The following BRINP3 variants were observed in gnomAD, a reference collection of about 807,000 sequenced individuals.
BRINP3 encodes BMP/retinoic acid inducible neural specific 3, also known as BMP/retinoic acid-inducible neural-specific protein 3.
A neutral mutation model predicts 71.0 loss-of-function variants in BRINP3; 19 were observed. The ratio of observed to expected loss-of-function variants is 0.27; its 90% CI spans 0.19 to 0.39. The LOEUF (loss-of-function observed/expected upper bound fraction) is 0.39, where lower values mean the gene tolerates loss of function less well. Ranked by LOEUF, BRINP3 falls within the 10% of genes least tolerant of loss-of-function variation. BRINP3 has a pLI of 1.00. For synonymous variants in BRINP3, 380 were observed against 337.7 expected (o/e 1.13, Z -1.37); for missense variants, 959 against 940.8 (o/e 1.02, Z -0.25).
chr1:190,136,336 G>A (rs1230900092), intron 7 of BRINP3, among the ~76,000 whole-genome samples: 1 of 152,022 alleles, frequency 6.6e-6, no homozygotes, highest in Non-Finnish European at 1.5e-5. Context: ...CATTGATTGG[G>A]TTGATTTGGG....
chr1:190,382,005 A>G (rs906980229), intron 2 of BRINP3, among the ~76,000 whole-genome samples: 2 of 152,168 alleles, frequency 1.3e-5, no homozygotes, highest in Non-Finnish European at 2.9e-5. Flanking sequence ...GCATGTACGA[A>G]ACAGATACAC....
intron 2 of BRINP3, among the ~76,000 whole-genome samples, chr1:190,348,596 T>C (rs985124765): frequency 1.3e-5 from 2 of 152,188 alleles, no homozygotes; most frequent in African/African-American, 4.8e-5. Flanking sequence ...CTGTTAACAA[T>C]GTCTCACTAT....
chr1:190,263,248 T>C (rs1168598433), intron 4 of BRINP3, among the ~76,000 whole-genome samples: 3 of 152,132 alleles, frequency 2.0e-5, no homozygotes, highest in Non-Finnish European at 4.4e-5. Context: ...CTTACAAAAT[T>C]TTTAAATTAA....
At chr1:190,377,230 T>C (rs564627879) in intron 2 of BRINP3, among the ~76,000 whole-genome samples, 1 of 152,090 alleles carries the variant, frequency 6.6e-6, no homozygotes, top group Non-Finnish European at 1.5e-5. Context: ...TGTCTGCTTA[T>C]TTTTTCCATT....
chr1:190,472,812 T>TACACACACACACACACACAC (rs67049979), intron 1 of BRINP3, among the ~76,000 whole-genome samples: 4 of 147,488 alleles, frequency 2.7e-5, no homozygotes, highest in African/African-American at 9.9e-5. Flanking sequence ...TGGTAGAAAT[T>TACACACACACACACACACAC]ACACACACAC....
At chr1:190,467,986 T>A (rs1469183965) in intron 1 of BRINP3, among the ~76,000 whole-genome samples, 1 of 151,422 alleles carries the variant, frequency 6.6e-6, no homozygotes, top group East Asian at 1.9e-4. Context: ...ACAAACTAAG[T>A]GGTAATTTTT....
At chr1:190,120,115 C>G (rs1057007080) in intron 7 of BRINP3, among the ~76,000 whole-genome samples, 6 of 140,834 alleles carry the variant, frequency 4.3e-5, no homozygotes, top group African/African-American at 1.5e-4. Context: ...TATGGGCATT[C>G]TGAAAGACAT....
intron 2 of BRINP3, among the ~76,000 whole-genome samples, chr1:190,288,343 T>C (rs1663593203): frequency 6.6e-6 from 1 of 151,966 alleles, no homozygotes; most frequent in Non-Finnish European, 1.5e-5. Context: ...GTTTTTATTT[T>C]AGCATTTATA....
chr1:190,470,283 A>T (rs1238043599), intron 1 of BRINP3, among the ~76,000 whole-genome samples: 1 of 151,140 alleles, frequency 6.6e-6, no homozygotes, highest in Non-Finnish European at 1.5e-5. Context: ...CAATAAATCT[A>T]TAATGGAATA....
At chr1:190,163,637 T>C (rs945104094) in intron 6 of BRINP3, among the ~76,000 whole-genome samples, 10 of 152,102 alleles carry the variant, frequency 6.6e-5, no homozygotes, top group Admixed American at 6.6e-4. Context: ...ATTATATTAA[T>C]GAATTCTGTG....
In BRINP3 at chr1:190,393,763, T is replaced by C. The variant is rs564688740; in HGVS notation, c.236+60892A>G. On this transcript the variant is annotated intron_variant, in intron 2 of 7. Coordinates refer to ENST00000367462, the MANE Select transcript of BRINP3 (RefSeq NM_199051.3). ...GCTGAAAAACCTGGAGTGCATGTAT[T>C]ACTCTCAAAATGGTTGCTAAAATTT... Among the ~76,000 whole-genome samples the C allele has an allele frequency of 6.3e-4, 96 of 151,702 alleles. 1 individual carries two copies. The South Asian group carries it at 0.016, about 25-fold the overall frequency.
rs376222185 is a variant in BRINP3, at chr1:190,234,712, T to C, written c.619-235A>G. 3.5e-4 allele frequency among the ~76,000 whole-genome samples: 53 copies of C among 152,204 alleles called. No individual in the cohort carries two copies. The East Asian group carries it at 8.9e-3, about 26-fold the overall frequency. ...GGGCATAAATATCCCAGGAAAATAA[T>C]GCATGCCATCTTTGTTCAAAAGCAT... On this transcript the variant is annotated intron_variant, in intron 4 of 7. Transcript: ENST00000367462.
At chr1:190,163,067 C>T (rs1340748583) in intron 6 of BRINP3, among the ~76,000 whole-genome samples, 1 of 151,956 alleles carries the variant, frequency 6.6e-6, no homozygotes, top group Non-Finnish European at 1.5e-5. Flanking sequence ...TTAGAAGACC[C>T]CCGGAAATAT....
At chr1:190,400,995 C>G (rs537021473) in intron 2 of BRINP3, among the ~76,000 whole-genome samples, 1 of 152,146 alleles carries the variant, frequency 6.6e-6, no homozygotes, top group African/African-American at 2.4e-5. Context: ...TATAAACAAC[C>G]AAACTTTTTG....
chr1:190,454,979 G>A, intron 1 of BRINP3, 39 bp from the exon 2 acceptor site: 3 of 968,594 alleles, frequency 3.1e-6, no homozygotes, highest in East Asian at 5.2e-5. Flanking sequence ...ACTCCTAGAA[G>A]ATTCCTTTCT....
chr1:190,314,739 C>G (rs1487631777), intron 2 of BRINP3, among the ~76,000 whole-genome samples: 2 of 152,124 alleles, frequency 1.3e-5, no homozygotes, highest in African/African-American at 4.8e-5. Flanking sequence ...TGTTAAGCCA[C>G]TAAGCTTGTG....
intron 4 of BRINP3, among the ~76,000 whole-genome samples, chr1:190,257,371 C>G (rs1487224013): frequency 1.3e-5 from 2 of 152,138 alleles, no homozygotes; most frequent in Non-Finnish European, 2.9e-5. Flanking sequence ...ACTGTTTATT[C>G]TAGTTAGACA....
At chr1:190,337,897 TTTTTTAA>T (rs1371972328) in intron 2 of BRINP3, among the ~76,000 whole-genome samples, 1 of 152,064 alleles carries the variant, frequency 6.6e-6, no homozygotes, top group Non-Finnish European at 1.5e-5. Context: ...TTGTTCTGTG[TTTTTTAA>T]ACTATGATAG....
intron 2 of BRINP3, among the ~76,000 whole-genome samples, chr1:190,389,844 TGA>T (rs1293607060): frequency 6.6e-6 from 1 of 151,746 alleles, no homozygotes; most frequent in Non-Finnish European, 1.5e-5. Flanking sequence ...GCCGAAATTC[TGA>T]TTAGGGTAGA....
Sources: allele counts gnomAD v4.1 joint callset (sites outside exome capture counted in the v4.1 genomes callset), GRCh38; gene constraint gnomAD v4.1.1; transcripts MANE v1.5; gene names NCBI Gene and HGNC (gene_info 2026-07-23, HGNC 2026-07-21).